The following PAX2 variants were observed in gnomAD, a reference collection of about 807,000 sequenced individuals.
PAX2 encodes paired box 2.
PAX2 carries 9 observed loss-of-function variants against 41.7 expected under a neutral mutation model. The observed-to-expected ratio is 0.22, with a 90% CI of 0.13 to 0.38. The LOEUF (loss-of-function observed/expected upper bound fraction) is 0.38. Among genes scored for constraint, PAX2 ranks in the 10% least tolerant of loss-of-function variants. The pLI is 1.00. For missense variants in PAX2, 418 were observed against 531.6 expected (o/e 0.79, Z 2.10); for synonymous variants, 221 against 212.7 (o/e 1.04, Z -0.34).
At chr10:100,809,814 AG>A (rs1381992035) in intron 7 of PAX2, among the ~76,000 whole-genome samples, 5 of 152,240 alleles carry the variant, frequency 3.3e-5, no homozygotes, top group African/African-American at 1.2e-4. Flanking sequence ...TTTCAAGGCC[AG>A]GTAGGATCAG....
At chr10:100,737,793 T>TA (rs920505483) in intron 1 of PAX2, among the ~76,000 whole-genome samples, 1 of 152,170 alleles carries the variant, frequency 6.6e-6, no homozygotes, top group Non-Finnish European at 1.5e-5. Context: ...CCGGCTAGTT[T>TA]AAAATGACAA....
chr10:100,749,327 C>T (rs1485875143), intron 1 of PAX2: 27 of 1,009,238 alleles, frequency 2.7e-5, no homozygotes, highest in Non-Finnish European at 3.0e-5. Context: ...CGGACAGCTC[C>T]CGGGTTGCCT....
At chr10:100,770,783 A>G (rs2099770575) in intron 3 of PAX2, among the ~76,000 whole-genome samples, 1 of 152,294 alleles carries the variant, frequency 6.6e-6, no homozygotes, top group South Asian at 2.1e-4. Flanking sequence ...TTTTTAACCT[A>G]TGGTTTTGTT....
At chr10:100,735,643 T>G in exon 1 of PAX2, 1 of 1,057,574 alleles carries the variant, frequency 9.5e-7, no homozygotes, top group Non-Finnish European at 1.1e-6. Context: ...AGACGCGTTG[T>G]CGGGCCGCGG....
chr10:100,752,603 G>T (rs1845482228), intron 3 of PAX2, among the ~76,000 whole-genome samples: 1 of 152,220 alleles, frequency 6.6e-6, no homozygotes, highest in Non-Finnish European at 1.5e-5. Context: ...CTGGGTAGTG[G>T]TCTTCTGCAG....
chr10:100,779,251 G>A (rs1846510807), intron 3 of PAX2, among the ~76,000 whole-genome samples: 1 of 152,182 alleles, frequency 6.6e-6, no homozygotes, highest in Non-Finnish European at 1.5e-5. Flanking sequence ...CAATAATTTG[G>A]GTGATGCACA....
intron 3 of PAX2, among the ~76,000 whole-genome samples, chr10:100,772,436 A>G (rs1846247694): frequency 6.6e-6 from 1 of 152,172 alleles, no homozygotes. Flanking sequence ...TTATAGGCAT[A>G]AGCCACCATG....
intron 3 of PAX2, among the ~76,000 whole-genome samples, chr10:100,772,320 A>G (rs991285202): frequency 6.6e-6 from 1 of 151,732 alleles, no homozygotes; most frequent in Non-Finnish European, 1.5e-5. Flanking sequence ...TGCCCGGCTA[A>G]TTTTTGTATT....
chr10:100,806,453 A>G lies in PAX2; in HGVS notation c.640A>G (p.Asn214Asp). The change falls in exon 6 of 10, where the codon AAT becomes GAT. Residue 214 changes from asparagine (N) to aspartate (D), a missense_variant. Transcript: ENST00000355243. Reference sequence around the variant, plus strand: ...AGATGTGTCTGAGGGCTCAGTCCCCAATGGAGATTCCCAGAGTGGTGTGGA... The same window carrying G: ...AGATGTGTCTGAGGGCTCAGTCCCCGATGGAGATTCCCAGAGTGGTGTGGA... ...DEDVSEGSVP[N>D]GDSQSGVDSL... 1.2e-6 allele frequency: 2 copies of G among 1,614,196 alleles called. No individual in the cohort carries two copies. Among genetic ancestry groups the G allele is most frequent in the Non-Finnish European group, 1.7e-6 (2 of 1,180,032 alleles).
chr10:100,763,571 C>T (rs569413192), intron 3 of PAX2, among the ~76,000 whole-genome samples: 133 of 152,248 alleles, frequency 8.7e-4, no homozygotes, highest in African/African-American at 3.2e-3. Context: ...TTCCTTCCCC[C>T]GAAAGTTGGC....
At position 100,791,342 on chromosome 10, in the gene PAX2, G is replaced by T. The variant is rs1847108830; in HGVS notation, c.616+9977G>T. Among the ~76,000 whole-genome samples, 1 of 152,176 alleles carries T rather than the reference G, an allele frequency of 6.6e-6. No homozygotes were observed. Among genetic ancestry groups the T allele is most frequent in the South Asian group, 2.1e-4 (1 of 4,826 alleles). ...ACCTTTTTCAGGAGGACTGGCTAGAGTGTGTGTGCATGTGTATGTGTGTAC... is the reference window on the plus strand; with the variant it reads ...ACCTTTTTCAGGAGGACTGGCTAGATTGTGTGTGCATGTGTATGTGTGTAC... On this transcript the variant is annotated intron_variant, in intron 5 of 9. Transcript: ENST00000355243. This position sits in a 1 kb window ranked among gnomAD's most constrained non-coding sequence, Gnocchi z 4.5.
chr10:100,810,470 A>G (rs1360565663), intron 7 of PAX2, among the ~76,000 whole-genome samples: 1 of 152,136 alleles, frequency 6.6e-6, no homozygotes, highest in Admixed American at 6.5e-5. Context: ...GGCTTTCGGG[A>G]GTGACGACCT....
At position 100,755,676 on chromosome 10, in the gene PAX2, C is replaced by T. The variant is rs1845601230; in HGVS notation, c.410+4785C>T. On this transcript the variant is annotated intron_variant, in intron 3 of 9. Coordinates refer to ENST00000355243, the MANE Select transcript of PAX2 (RefSeq NM_000278.5). ...ACACCCTGAGAGGCAACAATCAGCC[C>T]ATACAGCCAGAGATTTCGATGGGAG... 3.9e-5 allele frequency among the ~76,000 whole-genome samples: 6 copies of T among 152,196 alleles called. No homozygotes were observed. In the South Asian group the frequency reaches 1.2e-3, roughly 32 times the overall value.
intron 1 of PAX2, among the ~76,000 whole-genome samples, chr10:100,739,014 G>GACACACAC (rs61617727): frequency 0.17 from 23,323 of 138,118 alleles, 2,274 homozygotes; most frequent in Non-Finnish European, 0.2. Flanking sequence ...CGCGCACGCG[G>GACACACAC]ACACACACAC....
chr10:100,737,150 C>T (rs1844799704), intron 1 of PAX2, among the ~76,000 whole-genome samples: 1 of 152,216 alleles, frequency 6.6e-6, no homozygotes, highest in Admixed American at 6.5e-5. Flanking sequence ...ATTTTCCCTC[C>T]GGGCAGGCGC....
At chr10:100,823,674 G>C (rs1848444791) in intron 7 of PAX2, among the ~76,000 whole-genome samples, 2 of 152,172 alleles carry the variant, frequency 1.3e-5, no homozygotes, top group Non-Finnish European at 2.9e-5. Context: ...GGAGGTCCAG[G>C]AGAGGATAAA....
intron 5 of PAX2, among the ~76,000 whole-genome samples, chr10:100,804,332 T>C (rs1321537186): frequency 4.1e-5 from 6 of 147,562 alleles, no homozygotes; most frequent in Non-Finnish European, 9.0e-5. Flanking sequence ...GACAGGCATA[T>C]ACACAAATCT....
In PAX2 at chr10:100,827,062, G is replaced by C. The variant is rs1402711512; in HGVS notation, c.1075G>C (p.Glu359Gln). ...YSHPQYTAYNEAWRFSNPALL... is the reference protein window; with the variant it reads ...YSHPQYTAYNQAWRFSNPALL... ...CCACCCCCAGTACACGGCCTACAAC[G>C]AGGCTTGGAGATTCAGCAACCCCGC... Residue 359 changes from glutamate to glutamine, a missense_variant, in exon 9 of 10, where the codon GAG (glutamate) becomes CAG (glutamine). Around this residue, in one of 2 missense-constraint regions of PAX2, gnomAD observed 310 missense variants for 325.2 expected, o/e 0.95. Coordinates refer to ENST00000355243, the MANE Select transcript of PAX2 (RefSeq NM_000278.5). This position sits in a 1 kb window ranked among gnomAD's most constrained non-coding sequence, Gnocchi z 8.5. 1.2e-6 allele frequency: 2 copies of C among 1,613,630 alleles called. No individual in the cohort carries two copies. The highest frequency in any genetic ancestry group is 1.7e-5 in the Admixed American group (1 of 60,024).
rs1019810084 is a variant in PAX2, at chr10:100,829,398, C to T, written c.*1779C>T. The T allele has an allele frequency of 4.8e-6, 1 of 208,362 alleles. No homozygotes were observed. Among genetic ancestry groups the T allele is most frequent in the Admixed American group, 5.9e-5 (1 of 16,870 alleles). 12.9% of individuals were successfully genotyped at this position (208,362 alleles called of 1,614,324 possible). A position where few individuals can be genotyped will look rare whatever the true frequency, so the allele number is the denominator to read the frequency against. On this transcript the variant is annotated 3_prime_UTR_variant, in exon 10 of 10. Coordinates refer to ENST00000355243, the MANE Select transcript of PAX2 (RefSeq NM_000278.5). The stretch of plus-strand genomic sequence containing the variant: ...CGAGGTGGCAGCTCCAGCCCCCGGG[C>T]TCGCCCCCTCGCGGGCGTGCCCCGC...
Sources: gnomAD v4.1 joint callset for allele counts (sites outside exome capture counted in the v4.1 genomes callset) on GRCh38, gnomAD v4.1.1 for gene constraint, gnomAD v4.1.1 regional missense constraint, Gnocchi (gnomAD v3.1) non-coding constraint, MANE v1.5 for transcripts, NCBI Gene and HGNC (gene_info 2026-07-23, HGNC 2026-07-21) for gene names.